ROBO2: variants seen among roughly 807,000 people sequenced by gnomAD.
The protein encoded by ROBO2 is roundabout homolog 2.
Under a neutral mutation model 160.8 loss-of-function variants are expected in ROBO2, and 53 were observed. That is an observed-to-expected ratio of 0.33 (90% CI 0.26 to 0.41). The LOEUF is 0.41. Ranked by LOEUF, ROBO2 falls within the 10% of genes least tolerant of loss-of-function variation. The pLI, the probability that ROBO2 is intolerant of heterozygous loss-of-function variation, is 1.00. For missense variants in ROBO2, 1,577 were observed against 1,722.4 expected (o/e 0.92, Z 1.49); for synonymous variants, 664 against 611.7 (o/e 1.09, Z -1.26).
intron 2 of ROBO2, among the ~76,000 whole-genome samples, chr3:76,711,903 T>C (rs941001651): frequency 2.0e-5 from 3 of 152,218 alleles, no homozygotes; most frequent in Non-Finnish European, 4.4e-5. Flanking sequence ...CTTTCTCCAG[T>C]TGAGTGCCTT....
intron 2 of ROBO2, among the ~76,000 whole-genome samples, chr3:76,551,342 G>C (rs748570483): frequency 2.0e-5 from 3 of 152,102 alleles, no homozygotes; most frequent in Non-Finnish European, 4.4e-5. Flanking sequence ...AGGACAACCT[G>C]CCTGCAGAAA....
chr3:77,009,856 G>A (rs1045717390), intron 2 of ROBO2, among the ~76,000 whole-genome samples: 1 of 145,020 alleles, frequency 6.9e-6, no homozygotes, highest in Admixed American at 7.2e-5. Flanking sequence ...AGAGGCAGGA[G>A]AATCACTTGA....
chr3:77,381,619 T>TAC (rs2073481009), intron 2 of ROBO2, among the ~76,000 whole-genome samples: 1 of 152,198 alleles, frequency 6.6e-6, no homozygotes, highest in Non-Finnish European at 1.5e-5. Context: ...TATATTACAG[T>TAC]ACACACACTA....
At position 76,679,149 on chromosome 3, in the gene ROBO2, C is replaced by T. The variant is rs566950910; in HGVS notation, c.110-418865C>T. Among the ~76,000 whole-genome samples, 10 of 152,222 alleles carry T rather than the reference C, an allele frequency of 6.6e-5. No homozygotes were observed. The South Asian group carries it at 1.9e-3, about 28-fold the overall frequency. ...ATTTTGGCTTTTCCTCCACATAATA[C>T]TTTTAGCTTAATTTATTCTTTGTTT... On this transcript the variant is annotated intron_variant, in intron 2 of 26. Transcript: ENST00000487694.
chr3:77,452,952 T>C (rs2081270435), intron 2 of ROBO2, among the ~76,000 whole-genome samples: 1 of 152,132 alleles, frequency 6.6e-6, no homozygotes, highest in South Asian at 2.1e-4. Flanking sequence ...AGGGTTCTTG[T>C]CAGGAATTCA....
intron 2 of ROBO2, among the ~76,000 whole-genome samples, chr3:76,935,352 C>T (rs184446784): frequency 3.3e-5 from 5 of 152,286 alleles, no homozygotes; most frequent in African/African-American, 9.6e-5. Context: ...CTTAAGATTA[C>T]GATGATACAA....
At chr3:76,838,397 A>G (rs1417398621) in intron 2 of ROBO2, among the ~76,000 whole-genome samples, 2 of 152,122 alleles carry the variant, frequency 1.3e-5, no homozygotes, top group African/African-American at 4.8e-5. Flanking sequence ...GCTTTAAAAA[A>G]AGAAATATTT....
intron 2 of ROBO2, among the ~76,000 whole-genome samples, chr3:76,661,675 AT>A (rs1396605413): frequency 2.0e-5 from 3 of 152,144 alleles, no homozygotes; most frequent in Non-Finnish European, 4.4e-5. Flanking sequence ...GCAGAAAGAA[AT>A]GCTTAGGGTT....
intron 2 of ROBO2, among the ~76,000 whole-genome samples, chr3:76,346,354 A>G (rs1263098061): frequency 6.6e-6 from 1 of 151,902 alleles, no homozygotes; most frequent in African/African-American, 2.4e-5. Context: ...AACAACAACA[A>G]ATGTAGGCTA....
At chr3:76,648,688 C>T (rs2091103436) in intron 2 of ROBO2, among the ~76,000 whole-genome samples, 1 of 151,926 alleles carries the variant, frequency 6.6e-6, no homozygotes, top group African/African-American at 2.4e-5. Flanking sequence ...GGTCAGGTAT[C>T]AATGATTGAC....
intron 2 of ROBO2, among the ~76,000 whole-genome samples, chr3:76,580,282 TTAGC>T (rs1235282701): frequency 2.1e-5 from 3 of 143,404 alleles, no homozygotes; most frequent in Admixed American, 6.9e-5. Context: ...TTGCTCTTTC[TTAGC>T]TTCTCTCCCC....
At chr3:76,437,656 TC>T (rs1445440558) in intron 2 of ROBO2, among the ~76,000 whole-genome samples, 1 of 152,170 alleles carries the variant, frequency 6.6e-6, no homozygotes, top group African/African-American at 2.4e-5. Flanking sequence ...ATTCAGAAAT[TC>T]CCCTTTGTAA....
chr3:76,307,887 C>T (rs2071398753), intron 2 of ROBO2, among the ~76,000 whole-genome samples: 1 of 152,110 alleles, frequency 6.6e-6, no homozygotes, highest in East Asian at 1.9e-4. Flanking sequence ...TATTCTTTTA[C>T]ATTAAGATGT....
At chr3:76,794,677 T>G (rs2063575236) in intron 2 of ROBO2, among the ~76,000 whole-genome samples, 1 of 152,156 alleles carries the variant, frequency 6.6e-6, no homozygotes, top group East Asian at 1.9e-4. Flanking sequence ...CAGGTAGCAA[T>G]ATAAAATATG....
intron 2 of ROBO2, among the ~76,000 whole-genome samples, chr3:77,027,505 T>G (rs2063041645): frequency 6.6e-6 from 1 of 152,214 alleles, no homozygotes; most frequent in Non-Finnish European, 1.5e-5. Context: ...GGGCAATCAA[T>G]GTAAAACCAA....
At chr3:76,122,345 T>C (rs2070785269) in intron 2 of ROBO2, among the ~76,000 whole-genome samples, 1 of 152,202 alleles carries the variant, frequency 6.6e-6, no homozygotes, top group African/African-American at 2.4e-5. Flanking sequence ...GGATTGTGTC[T>C]AGAAAAATAT....
At chr3:77,353,496 T>C (rs2068634627) in intron 2 of ROBO2, among the ~76,000 whole-genome samples, 1 of 152,150 alleles carries the variant, frequency 6.6e-6, no homozygotes, top group South Asian at 2.1e-4. Flanking sequence ...TGCCTCAAAA[T>C]AGTTCTTGCA....
intron 2 of ROBO2, among the ~76,000 whole-genome samples, chr3:76,393,835 A>G (rs2077280105): frequency 6.6e-6 from 1 of 152,284 alleles, no homozygotes; most frequent in South Asian, 2.1e-4. Flanking sequence ...ATGTAGTAAC[A>G]TGGTCCAGGT....
chr3:76,938,364 C>CA (rs1405052639), intron 2 of ROBO2, among the ~76,000 whole-genome samples: 1 of 150,050 alleles, frequency 6.7e-6, no homozygotes, highest in South Asian at 2.1e-4. Flanking sequence ...CACCTACCCC[C>CA]CCCAAAAAAG....
Sources: gnomAD v4.1 joint callset for allele counts (sites outside exome capture counted in the v4.1 genomes callset) on GRCh38, gnomAD v4.1.1 for gene constraint, MANE v1.5 for transcripts, NCBI Gene and HGNC (gene_info 2026-07-23, HGNC 2026-07-21) for gene names.